The following PLCL1 variants were observed in gnomAD, a reference collection of about 807,000 sequenced individuals.
PLCL1 encodes the protein phospholipase C like 1 (inactive).
In PLCL1, 41 loss-of-function variants were observed where a neutral mutation model predicts 84.4. That is an observed-to-expected ratio of 0.49 (90% CI 0.38 to 0.63). The LOEUF is 0.63. PLCL1 is among the 30% of genes least tolerant of loss of function. PLCL1 has a pLI of 0.00. For missense variants in PLCL1, 1,206 were observed against 1,367.8 expected (o/e 0.88, Z 1.87); for synonymous variants, 490 against 488.3 (o/e 1.00, Z -0.05).
intron 5 of PLCL1, among the ~76,000 whole-genome samples, chr2:198,137,600 C>T (rs1281751988): frequency 6.6e-6 from 1 of 152,104 alleles, no homozygotes; most frequent in Admixed American, 6.6e-5. Context: ...CTCCTCCAGG[C>T]AAGCATAAAA....
intron 1 of PLCL1, among the ~76,000 whole-genome samples, chr2:197,891,605 T>C (rs1439901954): frequency 6.6e-6 from 1 of 150,826 alleles, no homozygotes; most frequent in Non-Finnish European, 1.5e-5. Flanking sequence ...GGTGAAGTCA[T>C]TGAAGGTTTT....
chr2:198,061,304 A>G (rs1403529619), intron 1 of PLCL1, among the ~76,000 whole-genome samples: 3 of 152,164 alleles, frequency 2.0e-5, no homozygotes, highest in African/African-American at 7.2e-5. Context: ...TATCTTACCG[A>G]TACAATTTCT....
At chr2:198,106,622 A>C (rs1339302617) in intron 5 of PLCL1, among the ~76,000 whole-genome samples, 3 of 151,922 alleles carry the variant, frequency 2.0e-5, no homozygotes, top group Non-Finnish European at 2.9e-5. Flanking sequence ...GGTGCTAGGG[A>C]TACAAATATC....
intron 3 of PLCL1, 123 bp downstream of exon 3, chr2:198,089,184 A>G (rs1692959842): frequency 4.1e-6 from 3 of 732,168 alleles, no homozygotes; most frequent in Non-Finnish European, 7.1e-6. Flanking sequence ...CATGGATTGG[A>G]GGTAGCATGC....
At chr2:197,972,763 A>G (rs1215604497) in intron 1 of PLCL1, among the ~76,000 whole-genome samples, 2 of 152,036 alleles carry the variant, frequency 1.3e-5, no homozygotes, top group African/African-American at 4.8e-5. Context: ...ATATTCACAT[A>G]CTCTTTGATA....
intron 1 of PLCL1, among the ~76,000 whole-genome samples, chr2:198,063,138 T>C (rs1692242736): frequency 6.7e-6 from 1 of 150,194 alleles, no homozygotes; most frequent in Non-Finnish European, 1.5e-5. Context: ...CTTAATACTA[T>C]ACTAAGTACT....
At chr2:198,047,111 G>C (rs1691822754) in intron 1 of PLCL1, among the ~76,000 whole-genome samples, 1 of 152,052 alleles carries the variant, frequency 6.6e-6, no homozygotes, top group African/African-American at 2.4e-5. Flanking sequence ...GGGTCAGAAA[G>C]GATGATGTAC....
At chr2:198,110,904 A>G (rs936795520) in intron 5 of PLCL1, among the ~76,000 whole-genome samples, 1 of 151,834 alleles carries the variant, frequency 6.6e-6, no homozygotes, top group African/African-American at 2.4e-5. Flanking sequence ...CCTTTTGAGT[A>G]TTCAGAAAAA....
In PLCL1 at chr2:198,146,976, C is replaced by A. The variant is rs199693790; in HGVS notation, c.*14C>A. On this transcript the variant is annotated 3_prime_UTR_variant, in exon 6 of 6. Coordinates refer to ENST00000428675, the MANE Select transcript of PLCL1 (RefSeq NM_006226.4). ...GGGAAGCTGTGACTCTGGGCATTATCGACACGTTCACCCATCTTATCAAGG... is the reference window on the plus strand; with the variant it reads ...GGGAAGCTGTGACTCTGGGCATTATAGACACGTTCACCCATCTTATCAAGG... The A allele has an allele frequency of 2.5e-6, 4 of 1,569,928 alleles. No individual in the cohort carries two copies. In the African/African-American group the frequency reaches 4.1e-5, roughly 16 times the overall value.
At chr2:197,876,323 G>A (rs1018203972) in intron 1 of PLCL1, among the ~76,000 whole-genome samples, 13 of 152,120 alleles carry the variant, frequency 8.5e-5, no homozygotes, top group African/African-American at 2.9e-4. Context: ...TAGAAAAGAA[G>A]CATTTGGAAG....
At chr2:198,093,564 G>T (rs1032155588) in intron 3 of PLCL1, among the ~76,000 whole-genome samples, 1 of 152,186 alleles carries the variant, frequency 6.6e-6, no homozygotes, top group Non-Finnish European at 1.5e-5. Flanking sequence ...TAGTGGTGTG[G>T]TTGGTGTGGG....
At chr2:197,968,308 G>A (rs913279333) in intron 1 of PLCL1, among the ~76,000 whole-genome samples, 9 of 152,138 alleles carry the variant, frequency 5.9e-5, no homozygotes, top group East Asian at 1.9e-4. Context: ...CAGGAACTAT[G>A]TCAGCCTTAA....
At chr2:198,052,930 T>C (rs1574276426) in intron 1 of PLCL1, among the ~76,000 whole-genome samples, 1 of 152,306 alleles carries the variant, frequency 6.6e-6, no homozygotes, top group Admixed American at 6.5e-5. Context: ...GCTTATTATA[T>C]AAAAGTAATC....
At position 198,147,850 on chromosome 2, in the gene PLCL1, A is replaced by G. The variant is rs1248305828; in HGVS notation, c.*888A>G. 2.6e-5 allele frequency: 4 copies of G among 152,324 alleles called. No homozygotes were observed. Among genetic ancestry groups the G allele is most frequent in the African/African-American group, 7.2e-5 (3 of 41,446 alleles). 9.4% of individuals were successfully genotyped at this position (152,324 alleles called of 1,614,324 possible). ...GCTGAGAGTCTAGCACTCATTTTCT[A>G]TAACAGATATGGCAGCTTAGAGGTG... On this transcript the variant is annotated 3_prime_UTR_variant, in exon 6 of 6. Coordinates refer to ENST00000428675, the MANE Select transcript of PLCL1 (RefSeq NM_006226.4).
intron 1 of PLCL1, among the ~76,000 whole-genome samples, chr2:198,052,396 T>C (rs1691956557): frequency 6.6e-6 from 1 of 152,192 alleles, no homozygotes; most frequent in Admixed American, 6.5e-5. Context: ...TTGTGGGGTA[T>C]AATGTAAAAT....
chr2:198,099,598 A>G (rs1574311623), intron 3 of PLCL1, among the ~76,000 whole-genome samples: 2 of 152,178 alleles, frequency 1.3e-5, no homozygotes, highest in African/African-American at 4.8e-5. Context: ...ATATGTGAGG[A>G]CACAATTTGA....
intron 1 of PLCL1, among the ~76,000 whole-genome samples, chr2:198,000,226 CA>C (rs766149721): frequency 3.9e-5 from 6 of 152,132 alleles, no homozygotes; most frequent in Non-Finnish European, 8.8e-5. Flanking sequence ...CTTTGCACCC[CA>C]TGGATACCTG....
intron 1 of PLCL1, among the ~76,000 whole-genome samples, chr2:197,848,770 C>T (rs1167399747): frequency 6.6e-6 from 1 of 152,046 alleles, no homozygotes; most frequent in African/African-American, 2.4e-5. Context: ...GTGTTGCTGC[C>T]TAGAGACTGG....
intron 1 of PLCL1, among the ~76,000 whole-genome samples, chr2:198,040,951 G>A (rs572565738): frequency 3.3e-5 from 5 of 152,274 alleles, no homozygotes; most frequent in African/African-American, 1.2e-4. Flanking sequence ...GGCAACAAGC[G>A]AATCACAAGG....
Sources: gnomAD v4.1 joint callset for allele counts (sites outside exome capture counted in the v4.1 genomes callset) on GRCh38, gnomAD v4.1.1 for gene constraint, MANE v1.5 for transcripts, NCBI Gene and HGNC (gene_info 2026-07-23, HGNC 2026-07-21) for gene names.